Variants in PRKDC observed in about 807,000 individuals in gnomAD.
PRKDC encodes protein kinase, DNA-activated, catalytic subunit.
PRKDC carries 82 observed loss-of-function variants against 486.9 expected under a neutral mutation model. That is an observed-to-expected ratio of 0.17 (90% CI 0.14 to 0.20). The LOEUF (loss-of-function observed/expected upper bound fraction) is 0.20. Among genes scored for constraint, PRKDC ranks in the 10% least tolerant of loss-of-function variants. PRKDC has a pLI of 1.00. For missense variants in PRKDC, 4,504 were observed against 5,038.2 expected (o/e 0.89, Z 3.21); for synonymous variants, 1,895 against 1,837.0 (o/e 1.03, Z -0.81).
chr8:47,796,434 T>A (rs948236779), intron 73 of PRKDC, among the ~76,000 whole-genome samples: 2 of 152,176 alleles, frequency 1.3e-5, no homozygotes, highest in African/African-American at 2.4e-5. Context: ...ACATTATTAG[T>A]GAGGCTGTAT....
chr8:47,820,593 A>G, intron 66 of PRKDC, 126 bp downstream of exon 66: 1 of 602,002 alleles, frequency 1.7e-6, no homozygotes, highest in Non-Finnish European at 2.3e-6. Context: ...ATTTTTGTTG[A>G]TTTTTTTCAT....
chr8:47,774,766 CTTTTT>C (rs200183641), intron 85 of PRKDC, among the ~76,000 whole-genome samples: 1 of 150,942 alleles, frequency 6.6e-6, no homozygotes, highest in Non-Finnish European at 1.5e-5. Flanking sequence ...TGTTAGATTC[CTTTTT>C]TTTTAATTAA....
At chr8:47,838,542 T>G (rs2088075454) in intron 56 of PRKDC, among the ~76,000 whole-genome samples, 1 of 151,138 alleles carries the variant, frequency 6.6e-6, no homozygotes, top group Non-Finnish European at 1.5e-5. Context: ...AACCCAGGAG[T>G]CAGAGGCTAC....
intron 25 of PRKDC, among the ~76,000 whole-genome samples, chr8:47,910,863 A>G (rs1038978397): frequency 1.3e-5 from 2 of 152,014 alleles, no homozygotes; most frequent in African/African-American, 4.8e-5. Context: ...TATGAATAAG[A>G]TGTTTATAGA....
chr8:47,955,461 CAAAAAAAAA>C (rs746883720), intron 4 of PRKDC, among the ~76,000 whole-genome samples: 5 of 18,536 alleles, frequency 2.7e-4, no homozygotes, highest in Admixed American at 1.2e-3. Context: ...GACTCCGTCT[CAAAAAAAAA>C]AAAAAAAAAA....
chr8:47,831,804 A>C lies in PRKDC; in HGVS notation c.8265+10T>G. On this transcript the variant is annotated intron_variant, in intron 60 of 85. Coordinates refer to ENST00000314191, the MANE Select transcript of PRKDC (RefSeq NM_006904.7). ...CATCGTTCTGATCAAATTCTTGACAAGATACAAACCTTCTCTCGTTTTTGC... is the reference window on the plus strand; with the variant it reads ...CATCGTTCTGATCAAATTCTTGACACGATACAAACCTTCTCTCGTTTTTGC... The C allele has an allele frequency of 6.2e-7, 1 of 1,612,660 alleles. No individual in the cohort carries two copies. Among genetic ancestry groups the C allele is most frequent in the Non-Finnish European group, 8.5e-7 (1 of 1,178,720 alleles).
intron 63 of PRKDC, among the ~76,000 whole-genome samples, 169 bp downstream of exon 63, chr8:47,826,487 T>C (rs1387969310): frequency 1.3e-5 from 2 of 152,264 alleles, no homozygotes; most frequent in Non-Finnish European, 2.9e-5. Flanking sequence ...GTGGCAACTG[T>C]TCTTGCCTTT....
At chr8:47,805,391 G>A (rs2087197983) in intron 69 of PRKDC, among the ~76,000 whole-genome samples, 1 of 152,144 alleles carries the variant, frequency 6.6e-6, no homozygotes, top group Non-Finnish European at 1.5e-5. Flanking sequence ...GGGATACTGA[G>A]CATCTTTGCA....
chr8:47,899,701 C>A (rs866255807), intron 28 of PRKDC, among the ~76,000 whole-genome samples: 4 of 152,124 alleles, frequency 2.6e-5, no homozygotes, highest in African/African-American at 7.2e-5. Context: ...TAAACTCCTG[C>A]CACAGCTGTG....
At chr8:47,945,111 A>G (rs2090510730) in intron 7 of PRKDC, among the ~76,000 whole-genome samples, 2 of 152,242 alleles carry the variant, frequency 1.3e-5, no homozygotes, top group South Asian at 2.1e-4. Flanking sequence ...GGACACCCAC[A>G]GTACACAGTG....
chr8:47,826,757 C>T lies in PRKDC; in HGVS notation c.8682G>A (p.Glu2894=), dbSNP rs371448868. ...CAGGCAGCAGGCGGAGCAGAGCCTC[C>T]TCTAGCAGGCGGATGCCCACGGGCT... ...LQQPVGIRLL[E]EALLRLLPAE... is the part of the protein sequence containing the mutation. The change falls in exon 63 of 86, where the codon GAG becomes GAA. Residue 2894 remains glutamate, a synonymous_variant. Coordinates refer to ENST00000314191, the MANE Select transcript of PRKDC (RefSeq NM_006904.7). 19 of 1,612,608 alleles carry T rather than the reference C, an allele frequency of 1.2e-5. No homozygotes were observed. Among genetic ancestry groups the T allele is most frequent in the Non-Finnish European group, 1.4e-5 (17 of 1,179,556 alleles).
chr8:47,892,749 A>G (rs1302054502), intron 31 of PRKDC, among the ~76,000 whole-genome samples: 3 of 152,246 alleles, frequency 2.0e-5, no homozygotes, highest in Non-Finnish European at 4.4e-5. Context: ...GTAGGAAATG[A>G]GAATATGAAT....
intron 85 of PRKDC, 122 bp from the exon 86 acceptor site, chr8:47,774,499 C>T: frequency 1.1e-6 from 1 of 935,580 alleles, no homozygotes; most frequent in Admixed American, 2.7e-5. Context: ...TTTTCTGTGG[C>T]TTATAACCTT....
At position 47,817,433 on chromosome 8, in the gene PRKDC, A is replaced by G. The variant is rs767307789; in HGVS notation, c.9557+17T>C. ...CAAAAAACAATCCACATTTGACTGA[A>G]AGGGACCACGTCTTACCGATTTGTG... On this transcript the variant is annotated intron_variant, in intron 68 of 85. Transcript: ENST00000314191. The G allele has an allele frequency of 1.3e-6, 2 of 1,506,056 alleles. No homozygotes were observed. Among genetic ancestry groups the G allele is most frequent in the Non-Finnish European group, 1.8e-6 (2 of 1,097,432 alleles). The allele number at this position is 1,506,056 out of a possible 1,614,324, so 93.3% of individuals were successfully genotyped here.
At chr8:47,949,156 C>T (rs2090586596) in intron 7 of PRKDC, among the ~76,000 whole-genome samples, 1 of 152,208 alleles carries the variant, frequency 6.6e-6, no homozygotes, top group Non-Finnish European at 1.5e-5. Flanking sequence ...CTCCTCTGTG[C>T]CTCCCTCTTC....
chr8:47,888,620 A>G lies in PRKDC; in HGVS notation c.4311T>C (p.Tyr1437=), dbSNP rs181439210. The change falls in exon 34 of 86, where the codon TAT becomes TAC. Residue 1437 remains tyrosine, a synonymous_variant. Transcript: ENST00000314191. The part of the protein sequence containing the change: ...SIEELCAVNL[Y]GPDAQVDRSR... ...TCCTGTCCACTTGCGCGTCAGGGCC[A>G]TACAAGTTGACGGCACAAAGCTCCT... The G allele has an allele frequency of 5.5e-5, 87 of 1,594,452 alleles. No homozygotes were observed. The East Asian group carries it at 1.8e-3, about 33-fold the overall frequency.
In PRKDC at chr8:47,782,676, G is replaced by A; in HGVS notation, c.11176-78C>T. The A allele has an allele frequency of 6.8e-7, 1 of 1,471,704 alleles. No homozygotes were observed. Among genetic ancestry groups the A allele is most frequent in the Non-Finnish European group, 9.2e-7 (1 of 1,089,626 alleles). The allele number at this position is 1,471,704 out of a possible 1,614,324, so 91.2% of individuals were successfully genotyped here. On this transcript the variant is annotated intron_variant, in intron 78 of 85. Transcript: ENST00000314191. This position sits in a 1 kb window ranked among gnomAD's most constrained non-coding sequence, Gnocchi z 4.9. Reference sequence around the variant, plus strand: ...CAGAGGGAAAAGCCAGAGTGGCTGTGAGCATTCCTCCGTGGGGCCGCCCTC... The same window carrying A: ...CAGAGGGAAAAGCCAGAGTGGCTGTAAGCATTCCTCCGTGGGGCCGCCCTC...
chr8:47,885,369 G>A (rs578019720), intron 36 of PRKDC, among the ~76,000 whole-genome samples: 1 of 151,162 alleles, frequency 6.6e-6, no homozygotes, highest in Non-Finnish European at 1.5e-5. Flanking sequence ...GCCAGGCTGG[G>A]CTTGAATTCC....
Position 47,774,002 on chromosome 8 carries a change from A to G in PRKDC, c.*171T>C. 1 of 637,174 alleles carries G rather than the reference A, an allele frequency of 1.6e-6. No individual in the cohort carries two copies. The highest frequency in any genetic ancestry group is 2.6e-6 in the Non-Finnish European group (1 of 380,702). The allele number at this position is 637,174 out of a possible 1,614,324, so 39.5% of individuals were successfully genotyped here. A position where few individuals can be genotyped will look rare whatever the true frequency, so the allele number is the denominator to read the frequency against. ...TATAACCTTATCTTTGATTTAACCC[A>G]TACACATTTACTCATCATAATCTTG... is the stretch of plus-strand genomic sequence containing the variant. On this transcript the variant is annotated 3_prime_UTR_variant, in exon 86 of 86. Coordinates refer to ENST00000314191, the MANE Select transcript of PRKDC (RefSeq NM_006904.7).
Sources: allele counts gnomAD v4.1 joint callset (sites outside exome capture counted in the v4.1 genomes callset), GRCh38; gene constraint gnomAD v4.1.1; non-coding constraint Gnocchi (gnomAD v3.1); transcripts MANE v1.5; gene names NCBI Gene and HGNC (gene_info 2026-07-23, HGNC 2026-07-21).